The following NRXN1 variants were observed in gnomAD, a reference collection of about 807,000 sequenced individuals.
The protein encoded by NRXN1 is neurexin-1.
Under a neutral mutation model 150.9 loss-of-function variants are expected in NRXN1, and 39 were observed. The observed-to-expected ratio is 0.26, with a 90% CI of 0.20 to 0.34. The LOEUF (loss-of-function observed/expected upper bound fraction) is 0.34, where lower values mean the gene tolerates loss of function less well. Ranked by LOEUF, NRXN1 falls within the 10% of genes least tolerant of loss-of-function variation. NRXN1 has a pLI of 1.00. For synonymous variants in NRXN1, 924 were observed against 757.0 expected, an observed-to-expected ratio of 1.22 and a Z score of -3.62; for missense variants, 1,815 against 1,949.9, an observed-to-expected ratio of 0.93 and a Z score of 1.30.
At chr2:50,494,644 G>A (rs1244712332) in intron 15 of NRXN1, among the ~76,000 whole-genome samples, 2 of 152,188 alleles carry the variant, frequency 1.3e-5, no homozygotes, top group East Asian at 3.8e-4. Context: ...AGCAAATAAA[G>A]TCCCAGGATT....
intron 18 of NRXN1, among the ~76,000 whole-genome samples, chr2:50,143,322 T>C (rs1242997967): frequency 1.3e-5 from 2 of 151,832 alleles, no homozygotes; most frequent in Admixed American, 1.3e-4. Flanking sequence ...GCTCGAAAAC[T>C]AATGTGCTTA....
chr2:50,274,265 C>T (rs576716045), intron 17 of NRXN1, among the ~76,000 whole-genome samples: 16 of 152,186 alleles, frequency 1.1e-4, no homozygotes, highest in African/African-American at 3.6e-4. Context: ...TCTCAGCTAA[C>T]TAACATCATT....
chr2:50,333,169 A>C (rs1221304727), intron 17 of NRXN1, among the ~76,000 whole-genome samples: 1 of 152,156 alleles, frequency 6.6e-6, no homozygotes, highest in Non-Finnish European at 1.5e-5. Flanking sequence ...ATAGTCTACA[A>C]ATAGCCTGTG....
intron 18 of NRXN1, among the ~76,000 whole-genome samples, chr2:50,163,282 G>A (rs977186777): frequency 4.6e-5 from 7 of 151,740 alleles, no homozygotes; most frequent in South Asian, 2.1e-4. Flanking sequence ...ATACACGGTT[G>A]AAGGTAACTG....
At chr2:50,591,178 C>A (rs1674130265) in intron 8 of NRXN1, among the ~76,000 whole-genome samples, 1 of 151,840 alleles carries the variant, frequency 6.6e-6, no homozygotes, top group Non-Finnish European at 1.5e-5. Context: ...GAGGCTTATT[C>A]AACATTTTAT....
In NRXN1 at chr2:50,531,254, C is replaced by T; in HGVS notation, c.2320G>A (p.Gly774Arg). The T allele has an allele frequency of 1.9e-6, 3 of 1,613,378 alleles. No individual in the cohort carries two copies. The highest frequency in any genetic ancestry group is 2.2e-5 in the East Asian group (1 of 44,842). The change falls in exon 11 of 23, where the codon GGA (glycine) becomes AGA (arginine). Residue 774 changes from glycine (G) to arginine (R), a missense_variant. Gly to Arg is a moderately radical substitution (Grantham distance 125). This residue lies in a region of NRXN1 where 638 missense variants were observed against 652.6 expected (regional missense o/e 0.98). Transcript: ENST00000401669. ...ADTLRLELDAGRVKLTVNLDC... is the reference protein window; with the variant it reads ...ADTLRLELDARRVKLTVNLDC... The stretch of plus-strand genomic sequence containing the variant: ...AGATTGACCGTCAGTTTCACACGTC[C>T]TGCGTCTAGCTCCAGGCGGAGGGTG...
intron 2 of NRXN1, among the ~76,000 whole-genome samples, chr2:51,011,260 T>A (rs1303131453): frequency 6.6e-6 from 1 of 152,018 alleles, no homozygotes; most frequent in Non-Finnish European, 1.5e-5. Context: ...CTTCTTAATA[T>A]CTTGCAGTGA....
At chr2:50,443,309 A>C (rs1348453936) in intron 17 of NRXN1, among the ~76,000 whole-genome samples, 1 of 152,176 alleles carries the variant, frequency 6.6e-6, no homozygotes, top group Non-Finnish European at 1.5e-5. Context: ...ATGAAGAAGA[A>C]AGTGGAGATG....
intron 17 of NRXN1, among the ~76,000 whole-genome samples, chr2:50,324,616 A>T (rs1027857220): frequency 6.6e-6 from 1 of 152,204 alleles, no homozygotes; most frequent in African/African-American, 2.4e-5. Flanking sequence ...ATCTCGGCTC[A>T]TTGCAAGCTC....
chr2:50,360,936 AT>A (rs1196781681), intron 17 of NRXN1, among the ~76,000 whole-genome samples: 4 of 152,212 alleles, frequency 2.6e-5, no homozygotes, highest in Non-Finnish European at 5.9e-5. Flanking sequence ...GTACAATCAA[AT>A]TAGAACTCAG....
chr2:50,595,510 C>A (rs79661490), intron 8 of NRXN1, among the ~76,000 whole-genome samples: 1 of 151,902 alleles, frequency 6.6e-6, no homozygotes, highest in Non-Finnish European at 1.5e-5. Flanking sequence ...AGCACTAAAT[C>A]ACAGATAAGA....
chr2:50,561,357 A>G (rs1179962300), intron 8 of NRXN1, among the ~76,000 whole-genome samples: 1 of 152,228 alleles, frequency 6.6e-6, no homozygotes, highest in Non-Finnish European at 1.5e-5. Context: ...AAATAAATGG[A>G]AAAATGAACC....
intron 2 of NRXN1, among the ~76,000 whole-genome samples, chr2:50,970,612 G>A (rs1474598819): frequency 6.6e-6 from 1 of 152,048 alleles, no homozygotes; most frequent in Non-Finnish European, 1.5e-5. Flanking sequence ...TTCCAACTTT[G>A]AATGTTAATC....
At chr2:50,904,623 C>A (rs543720995) in intron 5 of NRXN1, among the ~76,000 whole-genome samples, 6 of 152,116 alleles carry the variant, frequency 3.9e-5, no homozygotes, top group African/African-American at 1.2e-4. Context: ...TATTCAGTTT[C>A]TCCATCCATG....
chr2:50,215,070 T>C (rs1359745383), intron 18 of NRXN1, among the ~76,000 whole-genome samples: 2 of 151,984 alleles, frequency 1.3e-5, no homozygotes, highest in African/African-American at 4.8e-5. Context: ...AGATAATATG[T>C]TATTTATCTA....
At chr2:50,768,403 A>C (rs1702606436) in intron 5 of NRXN1, among the ~76,000 whole-genome samples, 1 of 151,808 alleles carries the variant, frequency 6.6e-6, no homozygotes, top group Admixed American at 6.6e-5. Context: ...CCATCACCTG[A>C]GCTCTAGCCA....
intron 5 of NRXN1, among the ~76,000 whole-genome samples, chr2:50,665,837 T>C (rs1056830575): frequency 6.6e-6 from 1 of 151,964 alleles, no homozygotes; most frequent in Non-Finnish European, 1.5e-5. Context: ...TGCTTTCTAT[T>C]CTTGGTTCAA....
At chr2:50,730,696 G>T in intron 5 of NRXN1, among the ~76,000 whole-genome samples, 2 of 113,224 alleles carry the variant, frequency 1.8e-5, no homozygotes, top group Admixed American at 1.2e-4. Flanking sequence ...TTTTTGAGAC[G>T]GAGTCTTGCT....
chr2:50,133,781 T>C (rs1180450414), intron 18 of NRXN1, among the ~76,000 whole-genome samples: 3 of 152,154 alleles, frequency 2.0e-5, no homozygotes, highest in Non-Finnish European at 1.5e-5. Flanking sequence ...TAACAGTTGC[T>C]ATTAACAGAT....
Sources: gnomAD v4.1 joint callset for allele counts (sites outside exome capture counted in the v4.1 genomes callset) on GRCh38, gnomAD v4.1.1 for gene constraint, gnomAD v4.1.1 regional missense constraint, MANE v1.5 for transcripts, NCBI Gene and HGNC (gene_info 2026-07-23, HGNC 2026-07-21) for gene names.